Variants in NBEAL1 observed in about 807,000 individuals in gnomAD.
NBEAL1 encodes the protein neurobeachin-like protein 1.
NBEAL1 carries 273 observed loss-of-function variants against 351.3 expected under a neutral mutation model. The observed-to-expected ratio is 0.78, with a 90% confidence interval of 0.70 to 0.86. NBEAL1 has a LOEUF of 0.86. Ranked by LOEUF, NBEAL1 falls within the 40% of genes least tolerant of loss-of-function variation. The pLI is 0.00. For synonymous variants in NBEAL1, 1,050 were observed against 1,086.4 expected (o/e 0.97, Z 0.66); for missense variants, 2,961 against 3,201.3 (o/e 0.92, Z 1.81).
At chr2:203,147,164 G>GT (rs1273474991) in intron 33 of NBEAL1, among the ~76,000 whole-genome samples, 1 of 152,036 alleles carries the variant, frequency 6.6e-6, no homozygotes, top group Non-Finnish European at 1.5e-5. Context: ...ATCTTAGCAA[G>GT]TATAGTAAGA....
chr2:203,167,332 C>G lies in NBEAL1; in HGVS notation c.5969C>G (p.Ser1990Cys). 6.2e-7 allele frequency: 1 copy of G among 1,610,676 alleles called. No individual in the cohort carries two copies. Among genetic ancestry groups the G allele is most frequent in the Non-Finnish European group, 8.5e-7 (1 of 1,178,616 alleles). Reference protein sequence around the residue: ...SALEIFHVDQSNYFLNFKKEV... With the variant: ...SALEIFHVDQCNYFLNFKKEV... ...CTTGAGATTTTTCATGTTGACCAAT[C>G]CAACTACTTTCTCAATTTCAAAAAA... The change falls in exon 38 of 56, where the codon TCC becomes TGC. Residue 1990 changes from serine (S) to cysteine (C), a missense_variant. Physicochemically the swap from Ser to Cys is moderately radical, Grantham distance 112. Coordinates refer to ENST00000683969, the MANE Select transcript of NBEAL1 (RefSeq NM_001378026.1).
intron 27 of NBEAL1, among the ~76,000 whole-genome samples, chr2:203,134,440 A>G (rs1005611004): frequency 1.3e-5 from 2 of 152,218 alleles, no homozygotes; most frequent in African/African-American, 2.4e-5. Context: ...TAATAAAGAA[A>G]GAATCTTCAC....
intron 38 of NBEAL1, among the ~76,000 whole-genome samples, chr2:203,168,018 T>A (rs561296685): frequency 1.5e-4 from 23 of 152,358 alleles, no homozygotes; most frequent in Non-Finnish European, 2.9e-4. Context: ...ACACAATAAC[T>A]AATTTTCCAT....
Position 203,202,751 on chromosome 2 carries a change from T to C in NBEAL1, c.7476T>C (p.Thr2492=). 4 of 1,597,774 alleles carry C rather than the reference T, an allele frequency of 2.5e-6. No homozygotes were observed. In the East Asian group the frequency reaches 6.7e-5, roughly 27 times the overall value. ...ATTTGATTTCTGGTTCCAGAGATAC[T>C]ACATGTATGATATGGCAAATAACAC... is the stretch of plus-strand genomic sequence containing the variant. The part of the protein sequence containing the change: ...GIHLISGSRD[T]TCMIWQITQQ... The change falls in exon 51 of 56, where the codon ACT becomes ACC. Residue 2492 remains threonine, a synonymous_variant. Transcript: ENST00000683969.
intron 55 of NBEAL1, among the ~76,000 whole-genome samples, chr2:203,216,086 T>C (rs2065891683): frequency 6.6e-6 from 1 of 150,920 alleles, no homozygotes; most frequent in Admixed American, 6.6e-5. Context: ...CAACAAACCA[T>C]AGGGGATTTT....
At chr2:203,111,464 G>A (rs1014506171) in intron 15 of NBEAL1, among the ~76,000 whole-genome samples, 7 of 151,944 alleles carry the variant, frequency 4.6e-5, no homozygotes, top group South Asian at 2.1e-4. Flanking sequence ...TCTACCTCCC[G>A]AGTTCAAGCA....
chr2:203,206,234 G>A (rs1004686795), intron 51 of NBEAL1, among the ~76,000 whole-genome samples: 1 of 152,180 alleles, frequency 6.6e-6, no homozygotes, highest in Non-Finnish European at 1.5e-5. Flanking sequence ...ATTAAAACCA[G>A]TACCATTACA....
chr2:203,032,354 A>C (rs1162723203), intron 2 of NBEAL1, among the ~76,000 whole-genome samples: 2 of 152,120 alleles, frequency 1.3e-5, no homozygotes, highest in Non-Finnish European at 2.9e-5. Flanking sequence ...CTATTGCATC[A>C]TCTGTTTAAG....
chr2:203,071,489 T>C (rs1574929443), intron 7 of NBEAL1, among the ~76,000 whole-genome samples: 1 of 152,152 alleles, frequency 6.6e-6, no homozygotes, highest in Non-Finnish European at 1.5e-5. Context: ...CTTCCACATA[T>C]TAATTTTGGG....
intron 2 of NBEAL1, among the ~76,000 whole-genome samples, chr2:203,018,372 C>A (rs1053021023): frequency 6.6e-6 from 1 of 151,672 alleles, no homozygotes; most frequent in African/African-American, 2.4e-5. Flanking sequence ...GCTTCTTAGA[C>A]CTCTTTGTGA....
chr2:203,034,236 C>T (rs1202393783), intron 2 of NBEAL1, among the ~76,000 whole-genome samples: 3 of 150,712 alleles, frequency 2.0e-5, no homozygotes, highest in Non-Finnish European at 4.4e-5. Flanking sequence ...TGGCTCACTG[C>T]AACCTCTGCT....
rs1309296063 is a variant in NBEAL1 at position 203,190,737 on chromosome 2, G to C, written c.6921+348G>C. 2.5e-5 allele frequency: 40 copies of C among 1,602,506 alleles called. No individual in the cohort carries two copies. The Admixed American group carries it at 6.1e-4, about 25-fold the overall frequency. On this transcript the variant is annotated intron_variant, in intron 46 of 55. Coordinates refer to ENST00000683969, the MANE Select transcript of NBEAL1 (RefSeq NM_001378026.1). Reference sequence around the variant, plus strand: ...GGAGGCCAAGGTGCAACTTTCTTCGGTCGTCCCGAATCCGGGTTCATCCAA... The same window carrying C: ...GGAGGCCAAGGTGCAACTTTCTTCGCTCGTCCCGAATCCGGGTTCATCCAA...
At chr2:203,091,408 G>A (rs538580474) in intron 10 of NBEAL1, among the ~76,000 whole-genome samples, 17 of 152,178 alleles carry the variant, frequency 1.1e-4, no homozygotes, top group African/African-American at 1.9e-4. Context: ...TGCGTCCACC[G>A]TTTGGCTGCT....
rs1303488598 is a variant in NBEAL1 at position 203,107,884 on chromosome 2, A to C, written c.1645A>C (p.Ser549Arg). 1 of 1,553,954 alleles carries C rather than the reference A, an allele frequency of 6.4e-7. No homozygotes were observed. The highest frequency in any genetic ancestry group is 2.0e-5 in the Admixed American group (1 of 51,012). ...GATTGCAATCCATGGTTCCTTGGGGAGTCAGTCAGTGAGCTCAGAAGAAAT... is the reference window on the plus strand; with the variant it reads ...GATTGCAATCCATGGTTCCTTGGGGCGTCAGTCAGTGAGCTCAGAAGAAAT... ...NLIAIHGSLG[S>R]QSVSSEEIRR... Residue 549 changes from serine (S) to arginine (R), a missense_variant, in exon 14 of 56, where the codon AGT becomes CGT. Physicochemically the swap from Ser to Arg is moderately radical, Grantham distance 110. Coordinates refer to ENST00000683969, the MANE Select transcript of NBEAL1 (RefSeq NM_001378026.1).
chr2:203,063,935 G>A (rs1051606359), intron 6 of NBEAL1, among the ~76,000 whole-genome samples: 4 of 151,980 alleles, frequency 2.6e-5, no homozygotes, highest in Admixed American at 2.0e-4. Flanking sequence ...TGCTGGAGTT[G>A]GGGAAAAAAA....
chr2:203,207,771 A>G (rs1294227665), intron 51 of NBEAL1, among the ~76,000 whole-genome samples: 2 of 152,340 alleles, frequency 1.3e-5, no homozygotes, highest in South Asian at 2.1e-4. Flanking sequence ...GGACACAAAC[A>G]CTGCGGAAGG....
chr2:203,108,433 C>G (rs1476548078), intron 14 of NBEAL1, among the ~76,000 whole-genome samples: 1 of 150,888 alleles, frequency 6.6e-6, no homozygotes, highest in African/African-American at 2.4e-5. Flanking sequence ...GAGTCTGGCT[C>G]TGTCACCCAG....
chr2:203,138,082 A>C, intron 29 of NBEAL1, 80 bp from the exon 30 acceptor site: 2 of 1,316,336 alleles, frequency 1.5e-6, no homozygotes, highest in South Asian at 2.7e-5. Flanking sequence ...CTGCCTCTCA[A>C]GCTATTTTGT....
intron 10 of NBEAL1, among the ~76,000 whole-genome samples, chr2:203,090,269 C>T (rs1271624210): frequency 6.6e-6 from 1 of 152,010 alleles, no homozygotes; most frequent in Non-Finnish European, 1.5e-5. Flanking sequence ...TCCATGAACT[C>T]TAGGTTTTTA....
Sources: allele counts gnomAD v4.1 joint callset (sites outside exome capture counted in the v4.1 genomes callset), GRCh38; gene constraint gnomAD v4.1.1; transcripts MANE v1.5; gene names NCBI Gene and HGNC (gene_info 2026-07-23, HGNC 2026-07-21).